The following ATP11B variants were observed in gnomAD, a reference collection of about 807,000 sequenced individuals.
ATP11B encodes the protein phospholipid-transporting ATPase IF.
In ATP11B, 81 loss-of-function variants were observed where a neutral mutation model predicts 157.8. The observed-to-expected ratio is 0.51, with a 90% CI of 0.43 to 0.62. The LOEUF (loss-of-function observed/expected upper bound fraction) is 0.62, where lower values mean the gene tolerates loss of function less well. Among genes scored for constraint, ATP11B ranks in the 20% least tolerant of loss-of-function variants. The pLI is 0.00. For synonymous variants in ATP11B, 451 were observed against 469.4 expected, an observed-to-expected ratio of 0.96 and a Z score of 0.51; for missense variants, 1,165 against 1,402.2, an observed-to-expected ratio of 0.83 and a Z score of 2.70.
intron 1 of ATP11B, among the ~76,000 whole-genome samples, chr3:182,810,492 G>A (rs1464120664): frequency 6.6e-6 from 1 of 150,638 alleles, no homozygotes; most frequent in South Asian, 2.1e-4. Flanking sequence ...ACTTTCTTTC[G>A]AAGCATATTT....
chr3:182,835,860 CAAGT>C (rs1718507952), intron 4 of ATP11B, among the ~76,000 whole-genome samples, 171 bp from the exon 5 acceptor site: 2 of 152,102 alleles, frequency 1.3e-5, no homozygotes, highest in Admixed American at 1.3e-4. Context: ...AAAAAAGAAG[CAAGT>C]GTTTCCAGTA....
At chr3:182,889,122 A>G (rs1191313371) in intron 24 of ATP11B, among the ~76,000 whole-genome samples, 5 of 152,170 alleles carry the variant, frequency 3.3e-5, no homozygotes, top group African/African-American at 1.2e-4. Flanking sequence ...TGGCCTCCCA[A>G]AGTGCTGGGA....
intron 4 of ATP11B, among the ~76,000 whole-genome samples, chr3:182,832,424 CCTAA>C (rs1718221757): frequency 6.6e-6 from 1 of 152,136 alleles, no homozygotes. Flanking sequence ...AACAACTATT[CCTAA>C]CTTTTTCTCA....
At position 182,884,798 on chromosome 3, in the gene ATP11B, A is replaced by G. The variant is rs914834322; in HGVS notation, c.2555A>G (p.Tyr852Cys). The G allele has an allele frequency of 4.4e-6, 7 of 1,601,154 alleles. No individual in the cohort carries two copies. Among genetic ancestry groups the G allele is most frequent in the East Asian group, 2.2e-5 (1 of 44,454 alleles). Residue 852 changes from tyrosine (Y) to cysteine (C), a missense_variant, in exon 22 of 30, where the codon TAT becomes TGT. Coordinates refer to ENST00000323116, the MANE Select transcript of ATP11B (RefSeq NM_014616.3). ...AGACAGGCTGCAAGAAACAGTGACTATGCAATAGCCAGATTTAAGTTCCTC... is the reference window on the plus strand; with the variant it reads ...AGACAGGCTGCAAGAAACAGTGACTGTGCAATAGCCAGATTTAAGTTCCTC... Reference protein sequence around the residue: ...EGRQAARNSDYAIARFKFLSK... With the variant: ...EGRQAARNSDCAIARFKFLSK...
intron 1 of ATP11B, among the ~76,000 whole-genome samples, chr3:182,805,144 G>A (rs1716249132): frequency 6.6e-6 from 1 of 152,198 alleles, no homozygotes; most frequent in Non-Finnish European, 1.5e-5. Flanking sequence ...TACCTAAAGA[G>A]TAGACTTTTA....
intron 10 of ATP11B, among the ~76,000 whole-genome samples, chr3:182,851,411 GT>G (rs1719969840): frequency 3.3e-5 from 5 of 151,160 alleles, no homozygotes; most frequent in Admixed American, 3.3e-4. Context: ...AATTTCCTCC[GT>G]TTCTTCTCAA....
intron 17 of ATP11B, among the ~76,000 whole-genome samples, chr3:182,870,118 G>C (rs1001455856): frequency 6.6e-6 from 1 of 152,214 alleles, no homozygotes; most frequent in African/African-American, 2.4e-5. Context: ...GAGAGTCCTC[G>C]TGGGAGCAAT....
intron 7 of ATP11B, among the ~76,000 whole-genome samples, chr3:182,839,120 C>T (rs1286175725): frequency 2.0e-5 from 3 of 152,260 alleles, no homozygotes; most frequent in Admixed American, 1.3e-4. Flanking sequence ...AAAGAGATCA[C>T]GTCTTTTGCA....
In ATP11B at chr3:182,873,825, G is replaced by C; in HGVS notation, c.2062G>C (p.Val688Leu). ...TAVEDRLQDK[V>L]RETIEALRMA... is the part of the protein sequence containing the mutation. ...TGTTCTTTTCAGACTACAAGATAAA[G>C]TTCGAGAAACTATTGAAGCATTGAG... Residue 688 changes from valine (V) to leucine (L), a missense_variant, in exon 19 of 30, where the codon GTT becomes CTT. Physicochemically the swap from Val to Leu is conservative, Grantham distance 32. Transcript: ENST00000323116. 6.2e-7 allele frequency: 1 copy of C among 1,613,924 alleles called. No individual in the cohort carries two copies. The highest frequency in any genetic ancestry group is 1.7e-5 in the Admixed American group (1 of 60,024).
intron 21 of ATP11B, among the ~76,000 whole-genome samples, chr3:182,881,361 G>A (rs1266613192): frequency 6.6e-6 from 1 of 151,968 alleles, no homozygotes; most frequent in Non-Finnish European, 1.5e-5. Context: ...TTGAACCCGG[G>A]AGGCAGAGGT....
chr3:182,820,536 TAGCC>T (rs759985030), intron 2 of ATP11B, among the ~76,000 whole-genome samples, 160 bp downstream of exon 2: 2 of 152,006 alleles, frequency 1.3e-5, no homozygotes, highest in Non-Finnish European at 2.9e-5. Context: ...ATCAAAAAAT[TAGCC>T]AGGTGTGGTG....
intron 27 of ATP11B, 55 bp downstream of exon 27, chr3:182,897,461 T>C: frequency 1.7e-6 from 2 of 1,204,448 alleles, no homozygotes; most frequent in Non-Finnish European, 2.4e-6. Flanking sequence ...TAAACATTTA[T>C]TGTGATAGGT....
At chr3:182,905,335 T>G (rs1724271344) in intron 28 of ATP11B, among the ~76,000 whole-genome samples, 1 of 152,226 alleles carries the variant, frequency 6.6e-6, no homozygotes, top group Admixed American at 6.5e-5. Flanking sequence ...AGGATTAAAT[T>G]TCTTTTGTTA....
intron 10 of ATP11B, 139 bp from the exon 11 acceptor site, chr3:182,857,738 CA>C (rs1470151470): frequency 6.1e-6 from 3 of 490,794 alleles, no homozygotes; most frequent in African/African-American, 5.8e-5. Context: ...TTCTTGAAAA[CA>C]AAAGCTGTGT....
Position 182,865,602 on chromosome 3 carries a change from C to T in ATP11B, c.1347C>T (p.Asn449=), listed in dbSNP as rs1721171372. 3 of 1,613,594 alleles carry T rather than the reference C, an allele frequency of 1.9e-6. No homozygotes were observed. In the Admixed American group the frequency reaches 5.0e-5, roughly 27 times the overall value. The part of the protein sequence containing the change: ...EGPTPDSSEG[N]LSYLSSLSHL... ...CAACACCAGACTCTTCAGAAGGAAA[C>T]TTATCTTATCTTAGTAGTTTATCCC... Residue 449 remains asparagine (N), a synonymous_variant, in exon 13 of 30, where the codon AAC becomes AAT. Coordinates refer to ENST00000323116, the MANE Select transcript of ATP11B (RefSeq NM_014616.3).
At chr3:182,873,736 A>C (rs1721832551) in intron 18 of ATP11B, 76 bp from the exon 19 acceptor site, 2 of 1,202,354 alleles carry the variant, frequency 1.7e-6, no homozygotes, top group South Asian at 2.7e-5. Flanking sequence ...ATTATCCTTA[A>C]ATATACTATG....
chr3:182,893,480 G>A (rs1288011216), intron 25 of ATP11B, among the ~76,000 whole-genome samples: 1 of 152,036 alleles, frequency 6.6e-6, no homozygotes, highest in East Asian at 1.9e-4. Context: ...TTACAATAAT[G>A]GTCTCCAATT....
At chr3:182,801,346 C>T (rs143015180) in intron 1 of ATP11B, among the ~76,000 whole-genome samples, 15 of 152,230 alleles carry the variant, frequency 9.9e-5, no homozygotes, top group African/African-American at 3.1e-4. Flanking sequence ...CATTCATTCA[C>T]GTACATTTTG....
chr3:182,857,832 G>C (rs1252460339), intron 10 of ATP11B, 46 bp from the exon 11 acceptor site: 1 of 1,210,340 alleles, frequency 8.3e-7, no homozygotes, highest in Admixed American at 1.9e-5. Flanking sequence ...AATGAATATA[G>C]TAATACATGA....
Sources: gnomAD v4.1 joint callset for allele counts (sites outside exome capture counted in the v4.1 genomes callset) on GRCh38, gnomAD v4.1.1 for gene constraint, MANE v1.5 for transcripts, NCBI Gene and HGNC (gene_info 2026-07-23, HGNC 2026-07-21) for gene names.